KAZN: variants seen among roughly 807,000 people sequenced by gnomAD.
The protein encoded by KAZN is kazrin, periplakin interacting protein.
A neutral mutation model predicts 87.4 loss-of-function variants in KAZN; 40 were observed. The observed-to-expected ratio is 0.46, with a 90% CI of 0.36 to 0.60. KAZN has a LOEUF of 0.60. Among genes scored for constraint, KAZN ranks in the 20% least tolerant of loss-of-function variants. KAZN has a pLI of 0.00. For missense variants in KAZN, 898 were observed against 1,073.9 expected, an observed-to-expected ratio of 0.84 and a Z score of 2.29; for synonymous variants, 466 against 458.3, an observed-to-expected ratio of 1.02 and a Z score of -0.22.
At chr1:13,983,455 G>A (rs1638849749) in intron 1 of KAZN, among the ~76,000 whole-genome samples, 1 of 152,244 alleles carries the variant, frequency 6.6e-6, no homozygotes, top group Admixed American at 6.5e-5. Flanking sequence ...CGGCTGCTCT[G>A]AGTGCAGGGC....
At chr1:14,499,951 C>A (rs912492178) in intron 2 of KAZN, among the ~76,000 whole-genome samples, 2 of 152,130 alleles carry the variant, frequency 1.3e-5, no homozygotes, top group Non-Finnish European at 2.9e-5. Context: ...GTTCAAGGCA[C>A]CTGATGTTTC....
At chr1:14,305,331 C>T (rs909030512) in intron 2 of KAZN, among the ~76,000 whole-genome samples, 1 of 152,124 alleles carries the variant, frequency 6.6e-6, no homozygotes, top group Non-Finnish European at 1.5e-5. Context: ...TTTTAGAGGG[C>T]CTGACAACTT....
At chr1:14,927,084 C>A (rs1366196586) in intron 1 of KAZN, among the ~76,000 whole-genome samples, 1 of 152,166 alleles carries the variant, frequency 6.6e-6, no homozygotes, top group East Asian at 1.9e-4. Flanking sequence ...ACAATCCGCA[C>A]CTGCTTCTGC....
Position 14,082,003 on chromosome 1 carries a change from T to C in KAZN, c.92-98432T>C, listed in dbSNP as rs186098085. Reference sequence around the variant, plus strand: ...GTTGCCCAGGCTGGCCTCAAACTCCTGGCTCAAGTGATCCTCCCGTCTCTG... The same window carrying C: ...GTTGCCCAGGCTGGCCTCAAACTCCCGGCTCAAGTGATCCTCCCGTCTCTG... On this transcript the variant is annotated intron_variant, in intron 1 of 16. Transcript: ENST00000636203. Among the ~76,000 whole-genome samples, 589 of 152,224 alleles carry C rather than the reference T, an allele frequency of 3.9e-3. 7 individuals are homozygous for C. The highest frequency in any genetic ancestry group is 0.014 in the African/African-American group (568 of 41,540).
chr1:14,047,026 T>C (rs991148227), intron 1 of KAZN, among the ~76,000 whole-genome samples: 1 of 152,212 alleles, frequency 6.6e-6, no homozygotes, highest in Non-Finnish European at 1.5e-5. Flanking sequence ...GGGTCCACTT[T>C]ATTTATTCCT....
At chr1:13,975,826 G>C (rs6429816) in intron 1 of KAZN, among the ~76,000 whole-genome samples, 2 of 152,016 alleles carry the variant, frequency 1.3e-5, no homozygotes, top group African/African-American at 2.4e-5. Flanking sequence ...ATGAATGAAT[G>C]AATCAAAAGG....
At chr1:14,262,439 G>A (rs1055182774) in intron 2 of KAZN, among the ~76,000 whole-genome samples, 2 of 152,088 alleles carry the variant, frequency 1.3e-5, no homozygotes, top group East Asian at 1.9e-4. Flanking sequence ...GGCAATTGCC[G>A]CTTTTAAAAG....
In KAZN at chr1:14,622,500, C is replaced by T. The variant is rs142620257; in HGVS notation, c.226+23277C>T. On this transcript the variant is annotated intron_variant, in intron 1 of 14. Coordinates refer to ENST00000376030, the MANE Select transcript of KAZN (RefSeq NM_201628.3). ...GGTCAGGAGATCGACACCATCCTGG[C>T]GAACACGGTGAAACCCCGTCTCTAC... 5.9e-3 allele frequency among the ~76,000 whole-genome samples: 892 copies of T among 151,792 alleles called. 7 individuals carry two copies. Among genetic ancestry groups the T allele is most frequent in the African/African-American group, 0.02 (807 of 41,382 alleles).
chr1:14,085,127 G>A (rs2101602109), intron 1 of KAZN, among the ~76,000 whole-genome samples: 1 of 152,224 alleles, frequency 6.6e-6, no homozygotes, highest in Middle Eastern at 3.4e-3. Context: ...TAAATGCCCT[G>A]GAGTTTGCTG....
intron 2 of KAZN, among the ~76,000 whole-genome samples, chr1:14,324,614 A>G (rs969874099): frequency 2.6e-5 from 4 of 152,150 alleles, no homozygotes; most frequent in African/African-American, 9.7e-5. Context: ...ATGGCCTTAT[A>G]TGGCTTCAAG....
chr1:14,321,015 AAG>A, intron 2 of KAZN, among the ~76,000 whole-genome samples: 1 of 152,170 alleles, frequency 6.6e-6, no homozygotes, highest in South Asian at 2.1e-4. Flanking sequence ...GCATTTTTGA[AAG>A]AGTTCATTTT....
At chr1:14,328,838 T>C (rs200167666) in intron 2 of KAZN, among the ~76,000 whole-genome samples, 3 of 150,866 alleles carry the variant, frequency 2.0e-5, no homozygotes, top group East Asian at 3.9e-4. Context: ...TATTCCTGTA[T>C]GACTGTACCT....
intron 1 of KAZN, among the ~76,000 whole-genome samples, chr1:13,911,532 T>C (rs1230150880): frequency 6.6e-6 from 1 of 152,170 alleles, no homozygotes; most frequent in African/African-American, 2.4e-5. Flanking sequence ...ATCCAAACGA[T>C]ATCAGGAGAA....
At chr1:13,927,160 T>C (rs553938035) in intron 1 of KAZN, among the ~76,000 whole-genome samples, 2 of 152,212 alleles carry the variant, frequency 1.3e-5, no homozygotes, top group South Asian at 2.1e-4. Flanking sequence ...AGAAATCTTT[T>C]AAGATCATAA....
At position 15,056,257 on chromosome 1, in the gene KAZN, C is replaced by A; in HGVS notation, c.893C>A (p.Pro298His). The A allele has an allele frequency of 1.2e-6, 2 of 1,609,096 alleles. No homozygotes were observed. The highest frequency in any genetic ancestry group is 1.7e-6 in the Non-Finnish European group (2 of 1,175,976). Residue 298 changes from proline (P) to histidine (H), a missense_variant, in exon 5 of 15, where the codon CCC becomes CAC. Pro to His is a moderately conservative substitution (Grantham distance 77). This residue lies in a region of KAZN where 521 missense variants were observed against 689.4 expected (regional missense o/e 0.76). Coordinates refer to ENST00000376030, the MANE Select transcript of KAZN (RefSeq NM_201628.3). The surrounding 1 kb of genome is among the most constrained non-coding windows in gnomAD (Gnocchi z 5.4). ...QSQQTLYHSHPPHPADRQAVR... is the reference protein window; with the variant it reads ...QSQQTLYHSHHPHPADRQAVR... Reference sequence around the variant, plus strand: ...CAACAGACTCTCTACCACTCACACCCCCCTCACCCTGCGGACCGGCAAGGT... The same window carrying A: ...CAACAGACTCTCTACCACTCACACCACCCTCACCCTGCGGACCGGCAAGGT...
chr1:14,387,857 C>T (rs1403887983), intron 2 of KAZN, among the ~76,000 whole-genome samples: 9 of 152,278 alleles, frequency 5.9e-5, no homozygotes, highest in South Asian at 4.1e-4. Context: ...TCGAGCTTCC[C>T]GGCTGCTTTG....
intron 8 of KAZN, among the ~76,000 whole-genome samples, chr1:15,088,284 A>C (rs1640361461): frequency 6.6e-6 from 1 of 152,046 alleles, no homozygotes; most frequent in South Asian, 2.1e-4. Flanking sequence ...TAGTCTGCTG[A>C]CCTCTATGCT....
At chr1:14,143,460 A>G (rs952529158) in intron 1 of KAZN, among the ~76,000 whole-genome samples, 50 of 152,254 alleles carry the variant, frequency 3.3e-4, no homozygotes, top group African/African-American at 1.2e-3. Flanking sequence ...TAGATTTCCT[A>G]CTGTGAAAGG....
chr1:14,821,226 G>A (rs11580323), intron 1 of KAZN, among the ~76,000 whole-genome samples: 56,817 of 151,912 alleles, frequency 0.37, 11,484 homozygotes, highest in African/African-American at 0.52. Flanking sequence ...GAATATGGAG[G>A]AAGTGTCTTT....
Sources: allele counts gnomAD v4.1 joint callset (sites outside exome capture counted in the v4.1 genomes callset), GRCh38; gene constraint gnomAD v4.1.1; regional missense constraint gnomAD v4.1.1; non-coding constraint Gnocchi (gnomAD v3.1); transcripts MANE v1.5; gene names NCBI Gene and HGNC (gene_info 2026-07-23, HGNC 2026-07-21).